Variants in USP33 observed in about 807,000 individuals in gnomAD.
USP33 encodes ubiquitin carboxyl-terminal hydrolase 33.
Under a neutral mutation model 124.2 loss-of-function variants are expected in USP33, and 46 were observed. That is an observed-to-expected ratio of 0.37 (90% CI 0.29 to 0.47). The LOEUF is 0.47. Ranked by LOEUF, USP33 falls within the 20% of genes least tolerant of loss-of-function variation. The probability of loss-of-function intolerance (pLI) is 0.99; values close to 1 mark genes in which losing one functional copy is unlikely to be tolerated. For missense variants in USP33, 851 were observed against 1,070.6 expected (o/e 0.79, Z 2.86); for synonymous variants, 350 against 352.3 (o/e 0.99, Z 0.07).
chr1:77,697,373 C>A lies in USP33; in HGVS notation c.2680G>T (p.Asp894Tyr). 6.2e-7 allele frequency: 1 copy of A among 1,612,766 alleles called. No homozygotes were observed. Among genetic ancestry groups the A allele is most frequent in the Non-Finnish European group, 8.5e-7 (1 of 1,179,738 alleles). ...VILRPPVVHV[D>Y]PDILQAEEKI... ...TCTTCTGCTTGAAGTATATCTGGAT[C>A]AACATGAACAACCGGAGGTCGCAGG... Residue 894 changes from aspartate to tyrosine, a missense_variant, in exon 24 of 24, where the codon GAT (aspartate) becomes TAT (tyrosine). Asp to Tyr is a radical substitution (Grantham distance 160). This residue lies in a region of USP33 where 142 missense variants were observed against 141.8 expected (regional missense o/e 1.00). Transcript: ENST00000370794.
intron 1 of USP33, among the ~76,000 whole-genome samples, chr1:77,752,837 C>T (rs929385634): frequency 6.6e-6 from 1 of 150,808 alleles, no homozygotes; most frequent in African/African-American, 2.4e-5. Flanking sequence ...CAGCACTTTG[C>T]GAGGCCGAGG....
rs1423370722 is a variant in USP33, at chr1:77,696,443, C to T, written c.*874G>A. On this transcript the variant is annotated 3_prime_UTR_variant, in exon 24 of 24. Coordinates refer to ENST00000370794, the MANE Select transcript of USP33 (RefSeq NM_201624.3). ...ACTCAAACTAAATATATCCTTGATACATTCAAAAAGACATTTTGTAAATTT... is the reference window on the plus strand; with the variant it reads ...ACTCAAACTAAATATATCCTTGATATATTCAAAAAGACATTTTGTAAATTT... The T allele has an allele frequency of 6.6e-6, 1 of 152,606 alleles. No homozygotes were observed. The highest frequency in any genetic ancestry group is 1.5e-5 in the Non-Finnish European group (1 of 68,042). The allele number at this position is 152,606 out of a possible 1,614,324, so 9.5% of individuals were successfully genotyped here. A position where few individuals can be genotyped will look rare whatever the true frequency, so the allele number is the denominator to read the frequency against.
chr1:77,720,105 A>G (rs1676393728), intron 15 of USP33, among the ~76,000 whole-genome samples: 1 of 138,488 alleles, frequency 7.2e-6, no homozygotes, highest in Admixed American at 8.4e-5. Flanking sequence ...GCCTGCAAAG[A>G]GCTGTAATCA....
chr1:77,733,697 G>C (rs993796310), intron 7 of USP33, among the ~76,000 whole-genome samples: 4 of 152,136 alleles, frequency 2.6e-5, no homozygotes, highest in Non-Finnish European at 5.9e-5. Flanking sequence ...GATAAGGAAA[G>C]CTCAACCAGT....
At chr1:77,730,844 T>TATTAAACTTTTA in intron 7 of USP33, 113 bp from the exon 8 acceptor site, 1 of 623,338 alleles carries the variant, frequency 1.6e-6, no homozygotes, top group Non-Finnish European at 2.5e-6. Context: ...TTTCTTTCTT[T>TATTAAACTTTTA]GATCCCTCTT....
Position 77,715,864 on chromosome 1 carries a change from T to G in USP33, c.1923A>C (p.Gly641=). ...VICHHGTASS[G]HYIAYCRNNL... ...TGTTTCGGCAGTAGGCTATATAGTGTCCACCTGAATTTGAGGGAAAAGAAA... is the reference window on the plus strand; with the variant it reads ...TGTTTCGGCAGTAGGCTATATAGTGGCCACCTGAATTTGAGGGAAAAGAAA... The change falls in exon 18 of 24, where the codon GGA becomes GGC. Residue 641 remains glycine (G), a synonymous_variant. Coordinates refer to ENST00000370794, the MANE Select transcript of USP33 (RefSeq NM_201624.3). 1.2e-6 allele frequency: 2 copies of G among 1,610,530 alleles called. No individual in the cohort carries two copies. Among genetic ancestry groups the G allele is most frequent in the South Asian group, 2.2e-5 (2 of 90,050 alleles).
chr1:77,703,844 T>C (rs1674313514), intron 21 of USP33, among the ~76,000 whole-genome samples: 1 of 152,078 alleles, frequency 6.6e-6, no homozygotes, highest in Non-Finnish European at 1.5e-5. Context: ...TAAAACCCCA[T>C]CTCTACTAAA....
At chr1:77,700,806 T>C (rs977224723) in intron 22 of USP33, among the ~76,000 whole-genome samples, 1 of 150,958 alleles carries the variant, frequency 6.6e-6, no homozygotes, top group African/African-American at 2.4e-5. Context: ...ATTCAAGCAA[T>C]TCTCCTGCCT....
chr1:77,742,112 C>G (rs951377071), intron 1 of USP33, among the ~76,000 whole-genome samples: 1 of 151,326 alleles, frequency 6.6e-6, no homozygotes, highest in Admixed American at 6.6e-5. Context: ...CACTTTTATC[C>G]TTTTAAAAAA....
chr1:77,755,826 T>A (rs2101623931), intron 1 of USP33, among the ~76,000 whole-genome samples: 2 of 152,362 alleles, frequency 1.3e-5, no homozygotes, highest in South Asian at 2.1e-4. Context: ...AGGACTGTGA[T>A]AAGCCCTGGG....
At chr1:77,712,787 G>T (rs1373077719) in intron 20 of USP33, among the ~76,000 whole-genome samples, 1 of 152,100 alleles carries the variant, frequency 6.6e-6, no homozygotes, top group African/African-American at 2.4e-5. Context: ...GAGCCTAGGA[G>T]GTCGACGCTG....
At chr1:77,720,776 T>G (rs1396325533) in intron 15 of USP33, among the ~76,000 whole-genome samples, 2 of 152,244 alleles carry the variant, frequency 1.3e-5, no homozygotes, top group Admixed American at 1.3e-4. Context: ...CTTTCTCGTA[T>G]GCCATTGTTA....
At chr1:77,732,076 C>G (rs1176119652) in intron 7 of USP33, among the ~76,000 whole-genome samples, 4 of 150,862 alleles carry the variant, frequency 2.7e-5, no homozygotes, top group Admixed American at 6.6e-5. Flanking sequence ...TACACTCCAG[C>G]CTGGGTGACA....
chr1:77,739,463 A>C, intron 4 of USP33, 46 bp from the exon 5 acceptor site: 1 of 1,512,996 alleles, frequency 6.6e-7, no homozygotes, highest in Non-Finnish European at 8.8e-7. Flanking sequence ...AAAATTACAT[A>C]TACTTGAAAA....
chr1:77,748,679 A>G (rs913616584), intron 1 of USP33, among the ~76,000 whole-genome samples: 10 of 151,928 alleles, frequency 6.6e-5, no homozygotes, highest in Non-Finnish European at 1.3e-4. Context: ...AAAAAAAAAA[A>G]AAAGAAATGG....
chr1:77,729,409 T>A (rs1021184347), intron 9 of USP33, among the ~76,000 whole-genome samples: 2 of 148,724 alleles, frequency 1.3e-5, no homozygotes, highest in Admixed American at 1.3e-4. Flanking sequence ...CAGTGCCTCA[T>A]GCCTGTAATC....
At chr1:77,718,549 T>C (rs373469704) in intron 16 of USP33, 47 bp downstream of exon 16, 1 of 1,415,998 alleles carries the variant, frequency 7.1e-7, no homozygotes, top group Non-Finnish European at 9.9e-7. Context: ...ATTAATACTT[T>C]ATGTTCCTAC....
intron 21 of USP33, chr1:77,711,528 T>TACACAC (rs66475824): frequency 3.1e-5 from 11 of 352,086 alleles, no homozygotes; most frequent in East Asian, 2.6e-4. Context: ...TTTTGTCTCA[T>TACACAC]ACACACACAC....
intron 9 of USP33, among the ~76,000 whole-genome samples, chr1:77,729,549 C>G (rs1677560534): frequency 6.6e-6 from 1 of 151,874 alleles, no homozygotes; most frequent in Non-Finnish European, 1.5e-5. Flanking sequence ...CACACATCTG[C>G]AATCCCAGTT....
Sources: allele counts gnomAD v4.1 joint callset (sites outside exome capture counted in the v4.1 genomes callset), GRCh38; gene constraint gnomAD v4.1.1; regional missense constraint gnomAD v4.1.1; transcripts MANE v1.5; gene names NCBI Gene and HGNC (gene_info 2026-07-23, HGNC 2026-07-21).